The following COL4A4 variants were observed in gnomAD, a reference collection of about 807,000 sequenced individuals.
COL4A4 encodes the protein collagen type IV alpha 4 chain.
A neutral mutation model predicts 192.9 loss-of-function variants in COL4A4; 105 were observed. That is an observed-to-expected ratio of 0.54 (90% CI 0.46 to 0.64). The LOEUF is 0.64. COL4A4 is among the 30% of genes least tolerant of loss of function. The probability of loss-of-function intolerance (pLI) is 0.00; values close to 1 mark genes in which losing one functional copy is unlikely to be tolerated. For missense variants in COL4A4, 1,967 were observed against 2,169.3 expected, an observed-to-expected ratio of 0.91 and a Z score of 1.85; for synonymous variants, 762 against 769.9, an observed-to-expected ratio of 0.99 and a Z score of 0.17.
In COL4A4 at chr2:227,077,885, T is replaced by A. The variant is rs756222520; in HGVS notation, c.1987+9A>T. 6.8e-6 allele frequency: 11 copies of A among 1,610,306 alleles called. No individual in the cohort carries two copies. The highest frequency in any genetic ancestry group is 4.5e-5 in the East Asian group (2 of 44,850). On this transcript the variant is annotated intron_variant, in intron 25 of 47. Coordinates refer to ENST00000396625, the MANE Select transcript of COL4A4 (RefSeq NM_000092.5). The stretch of plus-strand genomic sequence containing the variant: ...GCTATTGAAATAAATAAAATTTTTT[T>A]AAAATTACCTTTCTGACCCTTCAAG...
chr2:227,136,109 A>G (rs2062797020), intron 4 of COL4A4, among the ~76,000 whole-genome samples: 1 of 152,228 alleles, frequency 6.6e-6, no homozygotes, highest in Admixed American at 6.5e-5. Flanking sequence ...ATCAGGATCA[A>G]CGTTTTACTT....
At chr2:227,056,452 T>C (rs190379334) in intron 29 of COL4A4, among the ~76,000 whole-genome samples, 1 of 152,350 alleles carries the variant, frequency 6.6e-6, no homozygotes, top group East Asian at 1.9e-4. Flanking sequence ...AGGTTTTTCC[T>C]GAAGCTCTAC....
chr2:226,987,640 C>T, the COL4A4 span, among the ~76,000 whole-genome samples: 1 of 152,212 alleles, frequency 6.6e-6, no homozygotes, highest in Non-Finnish European at 1.5e-5. Context: ...GGTCCAGGCC[C>T]CCCTCTGGGT....
chr2:227,016,572 G>A (rs1027327134), intron 44 of COL4A4, among the ~76,000 whole-genome samples: 3 of 152,180 alleles, frequency 2.0e-5, no homozygotes, highest in African/African-American at 7.2e-5. Context: ...GCTGAAGCAG[G>A]GGATTGAAGT....
intron 1 of COL4A4, among the ~76,000 whole-genome samples, chr2:227,159,062 T>C (rs529677199): frequency 6.6e-6 from 1 of 152,300 alleles, no homozygotes; most frequent in Admixed American, 6.5e-5. Context: ...ACAATCCAAA[T>C]TCCCAAAAAT....
chr2:227,101,342 C>A (rs1302844545), intron 17 of COL4A4, among the ~76,000 whole-genome samples, 162 bp downstream of exon 17: 1 of 152,086 alleles, frequency 6.6e-6, no homozygotes, highest in Non-Finnish European at 1.5e-5. Flanking sequence ...TTATCAGCAA[C>A]ATGAAAAACA....
intron 20 of COL4A4, among the ~76,000 whole-genome samples, chr2:227,091,245 A>AACAGAT (rs2059903594): frequency 7.2e-6 from 1 of 139,552 alleles, no homozygotes; most frequent in Admixed American, 7.3e-5. Flanking sequence ...GCAATTGAAA[A>AACAGAT]ACAGATATAG....
rs370328730 is a variant in COL4A4, at chr2:227,033,396, G to A, written c.3577+14C>T. The A allele has an allele frequency of 1.3e-5, 21 of 1,602,498 alleles. No individual in the cohort carries two copies. In the East Asian group the frequency reaches 1.8e-4, roughly 14 times the overall value. On this transcript the variant is annotated intron_variant, in intron 38 of 47. Transcript: ENST00000396625. Reference sequence around the variant, plus strand: ...ACTGAAGCTCAGTCTGTTACGAATCGATTAGGTGCTTACCTGAAGCACCTT... The same window carrying A: ...ACTGAAGCTCAGTCTGTTACGAATCAATTAGGTGCTTACCTGAAGCACCTT...
chr2:227,135,148 A>T (rs1400421168), intron 4 of COL4A4, among the ~76,000 whole-genome samples: 1 of 152,186 alleles, frequency 6.6e-6, no homozygotes, highest in African/African-American at 2.4e-5. Flanking sequence ...CCTGGTCACA[A>T]GTCATTTGGG....
At chr2:227,076,215 G>T (rs1314414263) in intron 25 of COL4A4, among the ~76,000 whole-genome samples, 1 of 151,986 alleles carries the variant, frequency 6.6e-6, no homozygotes, top group Non-Finnish European at 1.5e-5. Flanking sequence ...AAGCTGGAGG[G>T]ATCAAGCTAC....
intron 4 of COL4A4, among the ~76,000 whole-genome samples, chr2:227,126,637 A>G (rs963167231): frequency 3.9e-5 from 6 of 152,180 alleles, no homozygotes. Context: ...TTGTATTTTA[A>G]TAAGTATTTT....
chr2:227,110,705 T>TGGAGTTTCA (rs774357185), intron 9 of COL4A4, among the ~76,000 whole-genome samples: 101 of 104,366 alleles, frequency 9.7e-4, no homozygotes, highest in Non-Finnish European at 1.3e-3. Context: ...TTTTTTGAGA[T>TGGAGTTTCA]GGAGTTTCAG....
At chr2:227,160,367 T>G (rs763016319) in intron 1 of COL4A4, among the ~76,000 whole-genome samples, 3 of 152,192 alleles carry the variant, frequency 2.0e-5, no homozygotes, top group Admixed American at 2.0e-4. Context: ...GAATAAAGCA[T>G]GATCACGTGA....
chr2:227,101,845 C>A lies in COL4A4; in HGVS notation c.975+20G>T. ...TACTAATGAAATGTATTTATTATCT[C>A]TATAATGAGGTACATTTACCTTTAA... On this transcript the variant is annotated intron_variant, in intron 16 of 47. Coordinates refer to ENST00000396625, the MANE Select transcript of COL4A4 (RefSeq NM_000092.5). The A allele has an allele frequency of 6.5e-7, 1 of 1,539,730 alleles. No individual in the cohort carries two copies. Among genetic ancestry groups the A allele is most frequent in the South Asian group, 1.2e-5 (1 of 86,104 alleles).
chr2:227,140,037 T>A (rs2063095067), intron 4 of COL4A4, 124 bp downstream of exon 4: 2 of 795,620 alleles, frequency 2.5e-6, no homozygotes, highest in South Asian at 2.9e-5. Flanking sequence ...AAACTTCGGC[T>A]GTGAAATACA....
At chr2:227,074,856 A>G (rs2058933635) in intron 25 of COL4A4, among the ~76,000 whole-genome samples, 1 of 152,168 alleles carries the variant, frequency 6.6e-6, no homozygotes, top group South Asian at 2.1e-4. Flanking sequence ...AGTGATGAGT[A>G]TGCAAAGGCA....
rs764734415 is a variant in COL4A4, at chr2:227,007,461, T to C, written c.4937A>G (p.Asn1646Ser). 6.8e-6 allele frequency: 11 copies of C among 1,614,070 alleles called. No homozygotes were observed. The highest frequency in any genetic ancestry group is 6.7e-5 in the African/African-American group (5 of 74,930). ...CGTTGTGAGCCAGAAGCTATACTTA[T>C]TTGCGAAAAAGTGGCAAGTTCCCTG... is the stretch of plus-strand genomic sequence containing the variant. ...GRQGTCHFFA[N>S]KYSFWLTTVK... is the part of the protein sequence containing the mutation. Residue 1646 changes from asparagine (N) to serine (S), a missense_variant, in exon 48 of 48, where the codon AAT becomes AGT. Physicochemically the swap from Asn to Ser is conservative, Grantham distance 46. Transcript: ENST00000396625.
At chr2:227,132,361 C>CT (rs2062532162) in intron 4 of COL4A4, among the ~76,000 whole-genome samples, 2 of 152,206 alleles carry the variant, frequency 1.3e-5, no homozygotes, top group Admixed American at 1.3e-4. Context: ...GGACTTTCTT[C>CT]TTTACGACTG....
chr2:227,037,656 C>T (rs1301284330), intron 37 of COL4A4, among the ~76,000 whole-genome samples: 2 of 152,148 alleles, frequency 1.3e-5, no homozygotes, highest in African/African-American at 4.8e-5. Context: ...CTTGAGGAAT[C>T]GCCACACTGT....
Sources: gnomAD v4.1 joint callset for allele counts (sites outside exome capture counted in the v4.1 genomes callset) on GRCh38, gnomAD v4.1.1 for gene constraint, MANE v1.5 for transcripts, NCBI Gene and HGNC (gene_info 2026-07-23, HGNC 2026-07-21) for gene names.